RPTOR: variants seen among roughly 807,000 people sequenced by gnomAD.
RPTOR encodes regulatory-associated protein of mTOR.
Under a neutral mutation model 169.9 loss-of-function variants are expected in RPTOR, and 21 were observed. The ratio of observed to expected loss-of-function variants is 0.12; its 90% CI spans 0.09 to 0.18. The LOEUF (loss-of-function observed/expected upper bound fraction) is 0.18. Ranked by LOEUF, RPTOR falls within the 10% of genes least tolerant of loss-of-function variation. The pLI is 1.00. For missense variants in RPTOR, 1,133 were observed against 1,855.9 expected (o/e 0.61, Z 7.16); for synonymous variants, 732 against 753.2 (o/e 0.97, Z 0.46).
intron 16 of RPTOR, 55 bp downstream of exon 16, chr17:80,884,027 A>G: frequency 6.4e-7 from 1 of 1,562,436 alleles, no homozygotes. Flanking sequence ...CTGCGGGGGT[A>G]AGGCAGAGGT....
intron 4 of RPTOR, among the ~76,000 whole-genome samples, chr17:80,710,484 A>G (rs1015617100): frequency 1.3e-5 from 2 of 151,942 alleles, no homozygotes; most frequent in African/African-American, 4.8e-5. Context: ...AACAATCACC[A>G]TTATCGAATT....
intron 9 of RPTOR, among the ~76,000 whole-genome samples, chr17:80,836,296 C>T (rs2067563449): frequency 6.6e-6 from 1 of 152,256 alleles, no homozygotes; most frequent in African/African-American, 2.4e-5. Flanking sequence ...CACGGGGCTG[C>T]TCATGCACAG....
chr17:80,719,279 G>A (rs977685918), intron 4 of RPTOR, among the ~76,000 whole-genome samples: 3 of 152,302 alleles, frequency 2.0e-5, no homozygotes, highest in Non-Finnish European at 4.4e-5. Context: ...AAGGGTACCT[G>A]TCAGCCCGGG....
rs1368693422 is a variant in RPTOR at position 80,957,152 on chromosome 17, T to C, written c.3371-472T>C. On this transcript the variant is annotated intron_variant, in intron 28 of 33. Transcript: ENST00000306801. The surrounding 1 kb of genome is among the most constrained non-coding windows in gnomAD (Gnocchi z 4.6). ...TGGACTTGGGAGTTCCAGCTTAGAA[T>C]TGTCACCCCGGCCTGGACTTGGGAG... is the stretch of plus-strand genomic sequence containing the variant. Among the ~76,000 whole-genome samples the C allele has an allele frequency of 1.1e-3, 89 of 80,846 alleles. No homozygotes were observed. Among genetic ancestry groups the C allele is most frequent in the East Asian group, 5.1e-3 (13 of 2,540 alleles). The allele number at this position is 80,846 out of a possible 152,430, so 53.0% of individuals were successfully genotyped here.
In RPTOR at chr17:80,845,736, T is replaced by G. The variant is rs1182366618; in HGVS notation, c.1213-737T>G. Among the ~76,000 whole-genome samples the G allele has an allele frequency of 6.6e-6, 1 of 152,216 alleles. No individual in the cohort carries two copies. The highest frequency in any genetic ancestry group is 1.5e-5 in the Non-Finnish European group (1 of 68,036). ...CCTCTCCAGCCACCACCTGTCTGTCTTGTTCCCCTTTGCAACCAAAACCAA... is the reference window on the plus strand; with the variant it reads ...CCTCTCCAGCCACCACCTGTCTGTCGTGTTCCCCTTTGCAACCAAAACCAA... On this transcript the variant is annotated intron_variant, in intron 10 of 33. Transcript: ENST00000306801. The surrounding 1 kb of genome is among the most constrained non-coding windows in gnomAD (Gnocchi z 5.4).
At chr17:80,678,364 G>A (rs755035681) in intron 3 of RPTOR, among the ~76,000 whole-genome samples, 22 of 152,198 alleles carry the variant, frequency 1.4e-4, no homozygotes, top group Non-Finnish European at 2.9e-4. Flanking sequence ...CAGCAGTTTG[G>A]GAGGCTGAGG....
chr17:80,723,488 CATT>C (rs989374799), intron 4 of RPTOR, among the ~76,000 whole-genome samples: 1 of 151,178 alleles, frequency 6.6e-6, no homozygotes, highest in African/African-American at 2.5e-5. Flanking sequence ...GGTTATAATC[CATT>C]ATTATTATCA....
At chr17:80,585,005 C>G (rs941525169) in intron 1 of RPTOR, among the ~76,000 whole-genome samples, 1 of 152,022 alleles carries the variant, frequency 6.6e-6, no homozygotes, top group African/African-American at 2.4e-5. Context: ...TATCCTTTCC[C>G]CCAACTCTGT....
chr17:80,641,652 G>A (rs1269887349), intron 2 of RPTOR, among the ~76,000 whole-genome samples: 1 of 152,242 alleles, frequency 6.6e-6, no homozygotes, highest in African/African-American at 2.4e-5. Flanking sequence ...TGTAGTCTGT[G>A]AAGTGTGCAG....
intron 10 of RPTOR, among the ~76,000 whole-genome samples, chr17:80,842,093 A>T (rs2067677071): frequency 6.6e-6 from 1 of 152,080 alleles, no homozygotes; most frequent in South Asian, 2.1e-4. Flanking sequence ...CAAGGTGGAC[A>T]CCATTGAGTG....
At position 80,545,807 on chromosome 17, in the gene RPTOR, A is replaced by T. The variant is rs1225015779; in HGVS notation, c.162+16A>T. 6.3e-7 allele frequency: 1 copy of T among 1,584,706 alleles called. No homozygotes were observed. Among genetic ancestry groups the T allele is most frequent in the Non-Finnish European group, 8.6e-7 (1 of 1,164,674 alleles). ...GAAGGATCGGGTAAGTGGATTCTGA[A>T]GGCACCCCTTGAACTTGGTAGTTTC... On this transcript the variant is annotated intron_variant, in intron 1 of 33. Transcript: ENST00000306801.
At position 80,918,906 on chromosome 17, in the gene RPTOR, C is replaced by T. The variant is rs551178238; in HGVS notation, c.2521-3818C>T. 1.4e-4 allele frequency among the ~76,000 whole-genome samples: 22 copies of T among 152,258 alleles called. 1 individual carries two copies. The South Asian group carries it at 3.9e-3, about 27-fold the overall frequency. The stretch of plus-strand genomic sequence containing the variant: ...GCATCATCAGCACTCATGTCTATGT[C>T]GCCATCAGCTCCTTGGCCATCTCAC... On this transcript the variant is annotated intron_variant, in intron 21 of 33. Coordinates refer to ENST00000306801, the MANE Select transcript of RPTOR (RefSeq NM_020761.3).
intron 7 of RPTOR, among the ~76,000 whole-genome samples, chr17:80,821,403 A>G (rs937147177): frequency 1.3e-5 from 2 of 152,230 alleles, no homozygotes; most frequent in Non-Finnish European, 2.9e-5. Flanking sequence ...CAGCGGGATC[A>G]TGCTTATGGC....
At chr17:80,565,560 C>T (rs1356665110) in intron 1 of RPTOR, among the ~76,000 whole-genome samples, 1 of 150,090 alleles carries the variant, frequency 6.7e-6, no homozygotes, top group Admixed American at 6.6e-5. Context: ...GTTAGAGCCC[C>T]AGGGCTGGGA....
In RPTOR at chr17:80,702,104, G is replaced by C. The variant is rs1005327591; in HGVS notation, c.349-5737G>C. Among the ~76,000 whole-genome samples, 5 of 152,226 alleles carry C rather than the reference G, an allele frequency of 3.3e-5. 1 individual carries two copies. In the South Asian group the frequency reaches 1.0e-3, roughly 32 times the overall value. On this transcript the variant is annotated intron_variant, in intron 3 of 33. Transcript: ENST00000306801. ...GAAAATGCAGAATCTGATTGCAGTA[G>C]CATTTCTTAGGCCTTATTAGCATAT... is the stretch of plus-strand genomic sequence containing the variant.
chr17:80,958,072 G>T (rs1016635883), intron 29 of RPTOR, among the ~76,000 whole-genome samples: 1 of 147,634 alleles, frequency 6.8e-6, no homozygotes, highest in East Asian at 2.0e-4. Context: ...ATTTGGAGGC[G>T]TTTTTTTTTT....
chr17:80,616,900 A>T (rs116272839), intron 1 of RPTOR, among the ~76,000 whole-genome samples: 175 of 152,338 alleles, frequency 1.1e-3, no homozygotes, highest in African/African-American at 4.0e-3. Context: ...TGCCAGCACA[A>T]CATTCCTCAC....
intron 21 of RPTOR, among the ~76,000 whole-genome samples, chr17:80,913,877 A>G (rs771296790): frequency 1.3e-5 from 2 of 152,224 alleles, no homozygotes; most frequent in Non-Finnish European, 2.9e-5. Context: ...GACAATGCCA[A>G]GAAAGAACCT....
chr17:80,690,716 T>A (rs750771681), intron 3 of RPTOR, among the ~76,000 whole-genome samples: 1 of 152,146 alleles, frequency 6.6e-6, no homozygotes, highest in Non-Finnish European at 1.5e-5. Context: ...TATCTGATAG[T>A]CCCTCTGTGA....
Sources: allele counts gnomAD v4.1 joint callset (sites outside exome capture counted in the v4.1 genomes callset), GRCh38; gene constraint gnomAD v4.1.1; non-coding constraint Gnocchi (gnomAD v3.1); transcripts MANE v1.5; gene names NCBI Gene and HGNC (gene_info 2026-07-23, HGNC 2026-07-21).